The following RPS6KC1 variants were observed in gnomAD, a reference collection of about 807,000 sequenced individuals.
RPS6KC1 encodes the protein ribosomal protein S6 kinase C1.
A neutral mutation model predicts 103.8 loss-of-function variants in RPS6KC1; 54 were observed. The ratio of observed to expected loss-of-function variants is 0.52; its 90% CI spans 0.42 to 0.65. The LOEUF (loss-of-function observed/expected upper bound fraction) is 0.65. RPS6KC1 is among the 30% of genes least tolerant of loss of function. The probability of loss-of-function intolerance (pLI) is 0.00; values close to 1 mark genes in which losing one functional copy is unlikely to be tolerated. For missense variants in RPS6KC1, 1,151 were observed against 1,253.8 expected (o/e 0.92, Z 1.24); for synonymous variants, 439 against 438.7 (o/e 1.00, Z -0.01).
chr1:213,374,529 G>A, the RPS6KC1 span, among the ~76,000 whole-genome samples: 1 of 152,178 alleles, frequency 6.6e-6, no homozygotes. Context: ...TGAGAAAAGA[G>A]GGTTTGCTCT....
intron 14 of RPS6KC1, among the ~76,000 whole-genome samples, chr1:213,270,422 T>A (rs2095020119): frequency 6.6e-6 from 1 of 152,114 alleles, no homozygotes; most frequent in Non-Finnish European, 1.5e-5. Context: ...AAGGAAAAAT[T>A]GATAAAGTAG....
At chr1:213,358,477 A>C in the RPS6KC1 span, among the ~76,000 whole-genome samples, 1 of 152,046 alleles carries the variant, frequency 6.6e-6, no homozygotes, top group Non-Finnish European at 1.5e-5. Context: ...ATCAGTGGTG[A>C]TATCCCCTTT....
At chr1:213,206,257 A>G (rs1160884170) in intron 8 of RPS6KC1, among the ~76,000 whole-genome samples, 1 of 152,204 alleles carries the variant, frequency 6.6e-6, no homozygotes, top group Non-Finnish European at 1.5e-5. Context: ...GGGTTTTATA[A>G]TCTTAGGATT....
the RPS6KC1 span, among the ~76,000 whole-genome samples, chr1:213,357,401 G>C: frequency 0.35 from 53,426 of 152,192 alleles, 11,762 homozygotes; most frequent in East Asian, 0.56. Context: ...GGAAGGGTGA[G>C]AGGGGGTAAG....
Position 213,242,306 on chromosome 1 carries a change from C to G in RPS6KC1, c.2821+9C>G. ...CTTATTGAATGATAGAGGTCAGGAACTTTTGCAAATGCATTTCTTTTTATT... is the reference window on the plus strand; with the variant it reads ...CTTATTGAATGATAGAGGTCAGGAAGTTTTGCAAATGCATTTCTTTTTATT... On this transcript the variant is annotated intron_variant, in intron 11 of 14. Transcript: ENST00000366960. 2 of 1,613,096 alleles carry G rather than the reference C, an allele frequency of 1.2e-6. No homozygotes were observed. The highest frequency in any genetic ancestry group is 2.2e-5 in the South Asian group (2 of 91,016).
chr1:213,779,669 A>G, the RPS6KC1 span, among the ~76,000 whole-genome samples: 23 of 152,328 alleles, frequency 1.5e-4, no homozygotes, highest in Non-Finnish European at 2.8e-4. Flanking sequence ...GTGGATCTGA[A>G]TGCGGATCCA....
chr1:213,210,339 T>G (rs2148663694), intron 8 of RPS6KC1, among the ~76,000 whole-genome samples: 1 of 152,362 alleles, frequency 6.6e-6, no homozygotes, highest in East Asian at 1.9e-4. Flanking sequence ...ACTTGTTGAG[T>G]AAGTTTGAAG....
At chr1:213,658,883 C>T in the RPS6KC1 span, among the ~76,000 whole-genome samples, 9 of 152,326 alleles carry the variant, frequency 5.9e-5, no homozygotes, top group African/African-American at 1.9e-4. Flanking sequence ...ATCTCCAGCC[C>T]TCCGCACCTG....
chr1:213,232,063 G>T, intron 9 of RPS6KC1, 60 bp from the exon 10 acceptor site: 1 of 1,594,588 alleles, frequency 6.3e-7, no homozygotes, highest in Admixed American at 1.7e-5. Flanking sequence ...AGCACAGCAG[G>T]CTCCAAAGGC....
chr1:213,142,686 T>C (rs1363316228), intron 6 of RPS6KC1, among the ~76,000 whole-genome samples: 1 of 152,100 alleles, frequency 6.6e-6, no homozygotes, highest in Non-Finnish European at 1.5e-5. Flanking sequence ...ACCACTACCC[T>C]GATCAGTCGG....
intron 9 of RPS6KC1, 103 bp downstream of exon 9, chr1:213,230,647 C>A: frequency 1.5e-6 from 1 of 684,856 alleles, no homozygotes; most frequent in South Asian, 2.5e-5. Flanking sequence ...CTATCCTGGC[C>A]AACATGGTGA....
chr1:213,518,790 T>A, the RPS6KC1 span, among the ~76,000 whole-genome samples: 1 of 152,196 alleles, frequency 6.6e-6, no homozygotes, highest in African/African-American at 2.4e-5. Flanking sequence ...TTCAGTGTTA[T>A]GCATATATAG....
the RPS6KC1 span, among the ~76,000 whole-genome samples, chr1:213,669,890 A>G: frequency 6.6e-6 from 1 of 152,116 alleles, no homozygotes; most frequent in Non-Finnish European, 1.5e-5. Flanking sequence ...TATAAGGTTC[A>G]CACTTTTCTC....
chr1:213,544,023 A>G, the RPS6KC1 span, among the ~76,000 whole-genome samples: 1 of 152,226 alleles, frequency 6.6e-6, no homozygotes, highest in Admixed American at 6.5e-5. Context: ...CAAAACATCA[A>G]TGCACACACA....
the RPS6KC1 span, among the ~76,000 whole-genome samples, chr1:213,313,149 A>G: frequency 6.6e-6 from 1 of 152,188 alleles, no homozygotes; most frequent in East Asian, 1.9e-4. Flanking sequence ...AGTGACCCAG[A>G]AACCCAAAGC....
At chr1:213,077,865 A>C in intron 3 of RPS6KC1, 49 bp downstream of exon 3, 1 of 1,121,050 alleles carries the variant, frequency 8.9e-7, no homozygotes, top group Non-Finnish European at 1.2e-6. Flanking sequence ...TTAATTTTGT[A>C]TATATACTGA....
the RPS6KC1 span, among the ~76,000 whole-genome samples, chr1:213,774,089 C>G: frequency 6.6e-6 from 1 of 152,172 alleles, no homozygotes. Context: ...GGACACAAAC[C>G]TCTTGGGCTT....
At chr1:213,780,743 G>A in the RPS6KC1 span, among the ~76,000 whole-genome samples, 1 of 152,210 alleles carries the variant, frequency 6.6e-6, no homozygotes, top group African/African-American at 2.4e-5. Context: ...GGAAGTGACA[G>A]CAGGGCTCAG....
At chr1:213,227,672 A>G (rs1175520691) in intron 8 of RPS6KC1, among the ~76,000 whole-genome samples, 1 of 152,180 alleles carries the variant, frequency 6.6e-6, no homozygotes, top group Admixed American at 6.5e-5. Flanking sequence ...GAAGTTGCCT[A>G]GGTTCCTTCT....
Sources: allele counts gnomAD v4.1 joint callset (sites outside exome capture counted in the v4.1 genomes callset), GRCh38; gene constraint gnomAD v4.1.1; transcripts MANE v1.5; gene names NCBI Gene and HGNC (gene_info 2026-07-23, HGNC 2026-07-21).